Variants in AFF3 observed in about 807,000 individuals in gnomAD.
AFF3 encodes AF4/FMR2 family member 3.
A neutral mutation model predicts 129.7 loss-of-function variants in AFF3; 32 were observed. The ratio of observed to expected loss-of-function variants is 0.25; its 90% CI spans 0.19 to 0.33. AFF3 has a LOEUF of 0.33. AFF3 is among the 10% of genes least tolerant of loss of function. The probability of loss-of-function intolerance (pLI) is 1.00; values close to 1 mark genes in which losing one functional copy is unlikely to be tolerated. For synonymous variants in AFF3, 644 were observed against 635.4 expected (o/e 1.01, Z -0.20); for missense variants, 1,373 against 1,592.0 (o/e 0.86, Z 2.34).
chr2:99,591,091 T>C (rs1293367908), intron 15 of AFF3, among the ~76,000 whole-genome samples: 1 of 152,196 alleles, frequency 6.6e-6, no homozygotes, highest in African/African-American at 2.4e-5. Context: ...ATGAACTTTC[T>C]TGCAAGGGCT....
chr2:99,557,055 T>G (rs962513660), intron 22 of AFF3, among the ~76,000 whole-genome samples: 1 of 152,208 alleles, frequency 6.6e-6, no homozygotes, highest in Non-Finnish European at 1.5e-5. Context: ...GAATCGATTT[T>G]AAATGTTCCC....
chr2:99,805,931 C>A lies in AFF3; in HGVS notation c.921+31546G>T, dbSNP rs368466162. Among the ~76,000 whole-genome samples the A allele has an allele frequency of 2.9e-4, 44 of 152,050 alleles. 1 individual carries two copies. Among genetic ancestry groups the A allele is most frequent in the South Asian group, 1.7e-3 (8 of 4,824 alleles). On this transcript the variant is annotated intron_variant, in intron 8 of 24. Transcript: ENST00000672756. ...CTCTTCACATCACAAGTAACCAGCA[C>A]ATCTTTGAAAACTCAACAGTTTAAC...
chr2:99,851,476 T>G (rs938573483), intron 7 of AFF3, among the ~76,000 whole-genome samples: 2 of 152,258 alleles, frequency 1.3e-5, no homozygotes, highest in Admixed American at 6.5e-5. Flanking sequence ...GGCTGGAGTT[T>G]GCCTTCTATA....
At chr2:99,977,731 C>T (rs1398608483) in intron 7 of AFF3, among the ~76,000 whole-genome samples, 1 of 152,030 alleles carries the variant, frequency 6.6e-6, no homozygotes, top group Non-Finnish European at 1.5e-5. Context: ...AAGGGGAACC[C>T]TAGGGGACAC....
chr2:99,763,870 C>T lies in AFF3; in HGVS notation c.922-11569G>A, dbSNP rs191156476. Among the ~76,000 whole-genome samples the T allele has an allele frequency of 5.3e-5, 8 of 152,282 alleles. No individual in the cohort carries two copies. The East Asian group carries it at 1.2e-3, about 22-fold the overall frequency. On this transcript the variant is annotated intron_variant, in intron 8 of 24. Coordinates refer to ENST00000672756, the MANE Select transcript of AFF3 (RefSeq NM_001386135.1). ...GAAGGGGATTCCTGGGAGCTGTACA[C>T]GTGTTTTCTGGTCTTATACCGACCC... is the stretch of plus-strand genomic sequence containing the variant.
chr2:99,744,863 G>A (rs1229520102), intron 9 of AFF3, among the ~76,000 whole-genome samples: 2 of 152,116 alleles, frequency 1.3e-5, no homozygotes, highest in Non-Finnish European at 2.9e-5. Context: ...ATGTACACTA[G>A]TTCGAGTCCA....
chr2:99,890,350 T>C (rs1431452521), intron 7 of AFF3, among the ~76,000 whole-genome samples: 1 of 152,228 alleles, frequency 6.6e-6, no homozygotes, highest in African/African-American at 2.4e-5. Flanking sequence ...CCTAGCTCTA[T>C]ACATTCAAAT....
intron 2 of AFF3, among the ~76,000 whole-genome samples, chr2:100,121,048 T>A (rs1559135548): frequency 6.6e-6 from 1 of 152,196 alleles, no homozygotes; most frequent in Non-Finnish European, 1.5e-5. Flanking sequence ...CCGAAATATT[T>A]ATTACAAATG....
At chr2:99,876,652 C>G (rs748995456) in intron 7 of AFF3, among the ~76,000 whole-genome samples, 3 of 152,044 alleles carry the variant, frequency 2.0e-5, no homozygotes, top group Non-Finnish European at 4.4e-5. Context: ...GATTCTCCAA[C>G]GGCTTTCCAT....
chr2:99,867,035 A>G (rs555136842), intron 7 of AFF3, among the ~76,000 whole-genome samples: 1 of 150,208 alleles, frequency 6.7e-6, no homozygotes, highest in Non-Finnish European at 1.5e-5. Context: ...AAAATAAAAA[A>G]AACAAGCACT....
intron 10 of AFF3, among the ~76,000 whole-genome samples, chr2:99,728,428 C>T (rs1679538998): frequency 6.6e-6 from 1 of 152,160 alleles, no homozygotes; most frequent in Admixed American, 6.5e-5. Flanking sequence ...TTGTACCATA[C>T]CCCTTTTGTC....
chr2:99,579,507 G>A (rs1015285098), intron 17 of AFF3, among the ~76,000 whole-genome samples: 1 of 152,066 alleles, frequency 6.6e-6, no homozygotes, highest in Admixed American at 6.6e-5. Context: ...ATTACCTGAG[G>A]TCAGGAGTTC....
At chr2:99,939,175 C>T (rs796235354) in intron 7 of AFF3, among the ~76,000 whole-genome samples, 13 of 152,320 alleles carry the variant, frequency 8.5e-5, no homozygotes, top group African/African-American at 3.1e-4. Context: ...ATCAATATCA[C>T]AAACAAGATT....
chr2:99,935,293 T>C (rs900867563), intron 7 of AFF3, among the ~76,000 whole-genome samples: 19 of 152,210 alleles, frequency 1.2e-4, no homozygotes, highest in Admixed American at 6.5e-4. Context: ...CCTTTGCCTA[T>C]GGGACACTGG....
chr2:99,862,783 T>A (rs1691091289), intron 7 of AFF3, among the ~76,000 whole-genome samples: 9 of 152,262 alleles, frequency 5.9e-5, no homozygotes, highest in Admixed American at 5.2e-4. Flanking sequence ...ACTTCCTCAA[T>A]TTTCTCTTCT....
chr2:99,802,634 G>C (rs1174646002), intron 8 of AFF3, among the ~76,000 whole-genome samples: 1 of 151,744 alleles, frequency 6.6e-6, no homozygotes, highest in African/African-American at 2.4e-5. Context: ...CTGCACTCCA[G>C]CCTGGCCAAT....
At chr2:100,128,852 G>A (rs1314528249) in intron 2 of AFF3, among the ~76,000 whole-genome samples, 1 of 152,184 alleles carries the variant, frequency 6.6e-6, no homozygotes, top group Non-Finnish European at 1.5e-5. Context: ...GGGAGAGGAT[G>A]GTTAGAATAG....
chr2:99,641,778 G>A (rs745754278), intron 13 of AFF3, among the ~76,000 whole-genome samples: 1 of 152,178 alleles, frequency 6.6e-6, no homozygotes, highest in Admixed American at 6.5e-5. Flanking sequence ...CTCACCAAGA[G>A]AGTCGTCGCG....
intron 2 of AFF3, among the ~76,000 whole-genome samples, chr2:100,117,003 CT>C (rs1197863141): frequency 6.6e-6 from 1 of 152,142 alleles, no homozygotes; most frequent in Non-Finnish European, 1.5e-5. Context: ...GTGCTGTCAA[CT>C]TTACTGTTGT....
Sources: gnomAD v4.1 joint callset for allele counts (sites outside exome capture counted in the v4.1 genomes callset) on GRCh38, gnomAD v4.1.1 for gene constraint, MANE v1.5 for transcripts, NCBI Gene and HGNC (gene_info 2026-07-23, HGNC 2026-07-21) for gene names.